The following RASA1 variants were observed in gnomAD, a reference collection of about 807,000 sequenced individuals.
The protein encoded by RASA1 is RAS p21 protein activator 1, also known as ras GTPase-activating protein 1.
In RASA1, 25 loss-of-function variants were observed where a neutral mutation model predicts 132.2. The observed-to-expected ratio is 0.19, with a 90% CI of 0.14 to 0.26. RASA1 has a LOEUF of 0.26. Among genes scored for constraint, RASA1 ranks in the 10% least tolerant of loss-of-function variants. RASA1 has a pLI of 1.00. For missense variants in RASA1, 964 were observed against 1,299.2 expected (o/e 0.74, Z 3.97); for synonymous variants, 477 against 449.9 (o/e 1.06, Z -0.76).
intron 9 of RASA1, 60 bp downstream of exon 9, chr5:87,353,295 G>A: frequency 1.5e-6 from 2 of 1,325,636 alleles, no homozygotes; most frequent in Non-Finnish European, 2.2e-6. Context: ...CATTTTGGTG[G>A]TATGTTTTTG....
chr5:87,317,312 A>G (rs921758871), intron 1 of RASA1, among the ~76,000 whole-genome samples: 2 of 152,004 alleles, frequency 1.3e-5, no homozygotes, highest in African/African-American at 4.8e-5. Context: ...ATTTTACCAC[A>G]CTGCTTAAGG....
chr5:87,368,812 GTTAA>G (rs1760721322), intron 11 of RASA1, among the ~76,000 whole-genome samples: 1 of 152,168 alleles, frequency 6.6e-6, no homozygotes, highest in South Asian at 2.1e-4. Flanking sequence ...AGAATGTCGG[GTTAA>G]TTATAGTATG....
At chr5:87,384,850 C>G (rs1041686068) in intron 21 of RASA1, among the ~76,000 whole-genome samples, 2 of 152,026 alleles carry the variant, frequency 1.3e-5, no homozygotes, top group African/African-American at 4.8e-5. Context: ...CTTTATCTTG[C>G]TTCTTGAGCT....
rs1760197131 is a variant in RASA1 at position 87,362,608 on chromosome 5, C to A, written c.1390C>A (p.Arg464Ser). ...TGGCAAGGAAATCTATAATACCATC[C>A]GTCGTAAAACAAAGGATGCCTTTTA... ...VDGKEIYNTI[R>S]RKTKDAFYKN... Residue 464 changes from arginine (R) to serine (S), a missense_variant, in exon 10 of 25, where the codon CGT (arginine) becomes AGT (serine). Around this residue, in one of 6 missense-constraint regions of RASA1, gnomAD observed 346 missense variants for 520.1 expected, o/e 0.67. Transcript: ENST00000274376. 6.3e-7 allele frequency: 1 copy of A among 1,596,158 alleles called. No individual in the cohort carries two copies. Among genetic ancestry groups the A allele is most frequent in the African/African-American group, 1.3e-5 (1 of 74,524 alleles).
rs752280214 is a variant in RASA1 at position 87,331,424 on chromosome 5, A to G, written c.616A>G (p.Ile206Val). 3.1e-6 allele frequency: 5 copies of G among 1,613,886 alleles called. No homozygotes were observed. The highest frequency in any genetic ancestry group is 3.4e-6 in the Non-Finnish European group (4 of 1,179,806). ...RQAGKSGSYL[I>V]RESDRRPGSF... Reference sequence around the variant, plus strand: ...GGCAGGGAAGTCTGGCAGTTATCTTATAAGAGAGAGTGATCGGAGGCCAGG... The same window carrying G: ...GGCAGGGAAGTCTGGCAGTTATCTTGTAAGAGAGAGTGATCGGAGGCCAGG... The change falls in exon 2 of 25, where the codon ATA (isoleucine) becomes GTA (valine). Residue 206 changes from isoleucine to valine, a missense_variant. Transcript: ENST00000274376.
At chr5:87,272,579 T>C (rs986127649) in intron 1 of RASA1, among the ~76,000 whole-genome samples, 6 of 152,066 alleles carry the variant, frequency 3.9e-5, no homozygotes, top group Non-Finnish European at 8.8e-5. Flanking sequence ...CTTGATGTAT[T>C]CGTCACAGTA....
intron 18 of RASA1, among the ~76,000 whole-genome samples, chr5:87,378,922 C>T (rs1019592467): frequency 1.3e-5 from 2 of 151,720 alleles, no homozygotes; most frequent in South Asian, 2.1e-4. Context: ...GGTTTTTTTG[C>T]GAGGGGAGAA....
chr5:87,282,395 C>T (rs999753810), intron 1 of RASA1, among the ~76,000 whole-genome samples: 35 of 152,128 alleles, frequency 2.3e-4, no homozygotes, highest in South Asian at 1.7e-3. Flanking sequence ...TGCCACTTTT[C>T]TTCTGTCCTT....
rs997491956 is a variant in RASA1, at chr5:87,386,891, A to G, written c.2913A>G (p.Leu971=). The G allele has an allele frequency of 7.4e-6, 12 of 1,611,686 alleles. No individual in the cohort carries two copies. The highest frequency in any genetic ancestry group is 1.0e-5 in the Non-Finnish European group (12 of 1,178,718). Reference sequence around the variant, plus strand: ...ACAAACATCGTATGATCATGTTTTTAGATGAACTTGGGGTATGTATATAGT... The same window carrying G: ...ACAAACATCGTATGATCATGTTTTTGGATGAACTTGGGGTATGTATATAGT... ...KSNKHRMIMF[L]DELGNVPELP... The change falls in exon 23 of 25, where the codon TTA becomes TTG. Residue 971 remains leucine, a synonymous_variant. Transcript: ENST00000274376.
intron 5 of RASA1, among the ~76,000 whole-genome samples, chr5:87,340,603 GAATAA>G (rs1400132066): frequency 6.6e-6 from 1 of 151,934 alleles, no homozygotes; most frequent in African/African-American, 2.4e-5. Context: ...GAGGAATATA[GAATAA>G]AATAAAGTTC....
intron 6 of RASA1, among the ~76,000 whole-genome samples, chr5:87,344,373 T>TA (rs773575185): frequency 3.2e-4 from 49 of 152,296 alleles, no homozygotes; most frequent in South Asian, 1.2e-3. Flanking sequence ...AATTGAATCT[T>TA]ATACTGATTC....
At chr5:87,299,925 A>G (rs1166124519) in intron 1 of RASA1, 3 of 152,212 alleles carry the variant, frequency 2.0e-5, no homozygotes, top group African/African-American at 4.8e-5. Context: ...TCAGTATGCA[A>G]GGGAATGGTG....
At chr5:87,337,710 C>CAATA (rs1454568982) in intron 4 of RASA1, among the ~76,000 whole-genome samples, 1 of 152,008 alleles carries the variant, frequency 6.6e-6, no homozygotes, top group African/African-American at 2.4e-5. Context: ...TTGAATCTAA[C>CAATA]AATAATTCAG....
At chr5:87,322,468 G>A (rs1038554028) in intron 1 of RASA1, among the ~76,000 whole-genome samples, 2 of 152,152 alleles carry the variant, frequency 1.3e-5, no homozygotes, top group Admixed American at 1.3e-4. Flanking sequence ...TGGAAAAATT[G>A]TCTTCCACTA....
At chr5:87,321,829 C>T (rs973784417) in intron 1 of RASA1, among the ~76,000 whole-genome samples, 2 of 152,172 alleles carry the variant, frequency 1.3e-5, no homozygotes, top group African/African-American at 4.8e-5. Flanking sequence ...GGGAAGACCC[C>T]CCATAGGACC....
At chr5:87,324,671 A>G (rs531867950) in intron 1 of RASA1, among the ~76,000 whole-genome samples, 67 of 152,278 alleles carry the variant, frequency 4.4e-4, no homozygotes, top group African/African-American at 1.5e-3. Flanking sequence ...ACACATACAT[A>G]TGCACTCTAG....
At chr5:87,316,901 GAGAA>G (rs1340682862) in intron 1 of RASA1, among the ~76,000 whole-genome samples, 1 of 149,910 alleles carries the variant, frequency 6.7e-6, no homozygotes, top group African/African-American at 2.4e-5. Context: ...TTTTTTTTTG[GAGAA>G]AGAGTCTTGC....
intron 9 of RASA1, among the ~76,000 whole-genome samples, chr5:87,362,013 G>A (rs1279937161): frequency 6.6e-6 from 1 of 152,136 alleles, no homozygotes; most frequent in African/African-American, 2.4e-5. Flanking sequence ...AGCTGTGGAT[G>A]GATGGGTGTG....
intron 21 of RASA1, among the ~76,000 whole-genome samples, chr5:87,384,254 T>C (rs929320362): frequency 6.6e-6 from 1 of 152,148 alleles, no homozygotes; most frequent in Non-Finnish European, 1.5e-5. Context: ...TCACCAGTTA[T>C]ATAGTGTAAA....
Sources: allele counts gnomAD v4.1 joint callset (sites outside exome capture counted in the v4.1 genomes callset), GRCh38; gene constraint gnomAD v4.1.1; regional missense constraint gnomAD v4.1.1; transcripts MANE v1.5; gene names NCBI Gene and HGNC (gene_info 2026-07-23, HGNC 2026-07-21).